Variants in RAF1 observed in about 807,000 individuals in gnomAD.
RAF1 encodes RAF proto-oncogene serine/threonine-protein kinase.
A neutral mutation model predicts 81.1 loss-of-function variants in RAF1; 27 were observed. The ratio of observed to expected loss-of-function variants is 0.33; its 90% confidence interval spans 0.25 to 0.46. RAF1 has a LOEUF of 0.46. Ranked by LOEUF, RAF1 falls within the 20% of genes least tolerant of loss-of-function variation. The pLI, the probability that RAF1 is intolerant of heterozygous loss-of-function variation, is 1.00. For missense variants in RAF1, 598 were observed against 826.0 expected (o/e 0.72, Z 3.38); for synonymous variants, 298 against 294.0 (o/e 1.01, Z -0.14).
chr3:12,654,932 TTAGGAGGCTAAAA>T (rs1161428134), intron 1 of RAF1, among the ~76,000 whole-genome samples: 2 of 150,660 alleles, frequency 1.3e-5, no homozygotes, highest in Admixed American at 6.6e-5. Flanking sequence ...TCCCAGTACT[TTAGGAGGCTAAAA>T]TGGGAGGATC....
chr3:12,657,351 T>C (rs572635504), intron 1 of RAF1, among the ~76,000 whole-genome samples: 1 of 152,348 alleles, frequency 6.6e-6, no homozygotes, highest in South Asian at 2.1e-4. Flanking sequence ...GAAAGGAAGC[T>C]GGGTAGCTAG....
chr3:12,635,448 C>CTGGT (rs1209287248), intron 1 of RAF1, among the ~76,000 whole-genome samples: 13 of 149,234 alleles, frequency 8.7e-5, no homozygotes, highest in African/African-American at 2.7e-4. Flanking sequence ...ACCAGCCTAG[C>CTGGT]CAACATGGTG....
chr3:12,637,673 T>C (rs1049006592), intron 1 of RAF1, among the ~76,000 whole-genome samples: 1 of 151,574 alleles, frequency 6.6e-6, no homozygotes, highest in Admixed American at 6.6e-5. Flanking sequence ...GCCAATGTGG[T>C]GAAACCCTGT....
intron 11 of RAF1, among the ~76,000 whole-genome samples, chr3:12,597,508 C>T (rs908847695): frequency 2.0e-5 from 3 of 152,224 alleles, no homozygotes; most frequent in Non-Finnish European, 4.4e-5. Context: ...ATATCCATTG[C>T]TCTGCCTCCT....
intron 1 of RAF1, among the ~76,000 whole-genome samples, chr3:12,661,951 G>A (rs2060890131): frequency 6.6e-6 from 1 of 151,766 alleles, no homozygotes; most frequent in East Asian, 1.9e-4. Context: ...TTAAGAGGCT[G>A]AAGCTGGAGG....
At chr3:12,618,915 T>G (rs1427407859) in intron 1 of RAF1, among the ~76,000 whole-genome samples, 168 bp from the exon 2 acceptor site, 1 of 152,194 alleles carries the variant, frequency 6.6e-6, no homozygotes, top group Non-Finnish European at 1.5e-5. Flanking sequence ...ATTAAATATT[T>G]CATAGATGAG....
intron 13 of RAF1, chr3:12,587,935 G>C (rs1338108318): frequency 4.1e-6 from 1 of 244,082 alleles, no homozygotes; most frequent in African/African-American, 2.4e-5. Context: ...CAGTAGCCGG[G>C]ACCACAGGCA....
chr3:12,649,615 A>T (rs2060459849), intron 1 of RAF1, among the ~76,000 whole-genome samples: 1 of 142,580 alleles, frequency 7.0e-6, no homozygotes, highest in South Asian at 2.1e-4. Flanking sequence ...ACACACACAC[A>T]CACACAGTTT....
At chr3:12,653,736 C>G (rs2060602857) in intron 1 of RAF1, among the ~76,000 whole-genome samples, 1 of 150,066 alleles carries the variant, frequency 6.7e-6, no homozygotes, top group Non-Finnish European at 1.5e-5. Context: ...AAGACTATGT[C>G]TCAAAAAAAA....
chr3:12,600,238 G>A lies in RAF1; in HGVS notation c.964C>T (p.Pro322Ser). The A allele has an allele frequency of 6.2e-7, 1 of 1,614,168 alleles. No individual in the cohort carries two copies. The highest frequency in any genetic ancestry group is 1.3e-5 in the African/African-American group (1 of 75,040). Reference sequence around the variant, plus strand: ...GTTTTCGGCTGTGACCAGCCTGTTGGGCTCAGATTGTTGGGGCTACTGGAC... The same window carrying A: ...GTTTTCGGCTGTGACCAGCCTGTTGAGCTCAGATTGTTGGGGCTACTGGAC... The change falls in exon 10 of 18, where the codon CCA (proline) becomes TCA (serine). Residue 322 changes from proline to serine, a missense_variant. Coordinates refer to ENST00000442415, the MANE Select transcript of RAF1 (RefSeq NM_001354689.3).
At chr3:12,659,194 G>A (rs572089517) in intron 1 of RAF1, among the ~76,000 whole-genome samples, 111 of 151,938 alleles carry the variant, frequency 7.3e-4, no homozygotes, top group African/African-American at 2.0e-3. Context: ...TTGGGAAGCC[G>A]AGGCAGGTGG....
intron 1 of RAF1, among the ~76,000 whole-genome samples, chr3:12,621,141 T>C (rs749885343): frequency 6.6e-6 from 1 of 152,204 alleles, no homozygotes; most frequent in African/African-American, 2.4e-5. Context: ...TACATTCCAA[T>C]CATTATCCAC....
chr3:12,631,131 A>G (rs5746178), intron 1 of RAF1, among the ~76,000 whole-genome samples: 21 of 152,280 alleles, frequency 1.4e-4, no homozygotes, highest in African/African-American at 4.1e-4. Flanking sequence ...TCTGAGCAAC[A>G]TGGCAAAACT....
intron 6 of RAF1, among the ~76,000 whole-genome samples, chr3:12,605,811 C>T (rs189191209): frequency 2.0e-5 from 3 of 152,274 alleles, no homozygotes; most frequent in East Asian, 1.9e-4. Flanking sequence ...GCAAATGCAT[C>T]GGCCACAACA....
At position 12,590,872 on chromosome 3, in the gene RAF1, G is replaced by T; in HGVS notation, c.1356C>A (p.His452Gln). ...GAAACTTGGTCTCCTGGACATGCAG[G>T]TGTTTGTAGAGGCTGCTGCCCTCGC... Residue 452 changes from histidine to glutamine, a missense_variant, in exon 13 of 18, where the codon CAC (histidine) becomes CAA (glutamine). By Grantham distance (24) the His-to-Gln change is conservative. Coordinates refer to ENST00000442415, the MANE Select transcript of RAF1 (RefSeq NM_001354689.3). 6.2e-7 allele frequency: 1 copy of T among 1,613,682 alleles called. No individual in the cohort carries two copies. Among genetic ancestry groups the T allele is most frequent in the Non-Finnish European group, 8.5e-7 (1 of 1,179,582 alleles).
chr3:12,659,765 T>G (rs932266581), intron 1 of RAF1, among the ~76,000 whole-genome samples: 1 of 152,186 alleles, frequency 6.6e-6, no homozygotes, highest in Non-Finnish European at 1.5e-5. Context: ...CATTATCCAC[T>G]GCCTTTCAAA....
chr3:12,586,546 C>T (rs944296806), intron 14 of RAF1, among the ~76,000 whole-genome samples: 6 of 152,160 alleles, frequency 3.9e-5, no homozygotes, highest in African/African-American at 1.2e-4. Context: ...AAAACCCCAC[C>T]ACTGAAAGGT....
At chr3:12,611,812 A>G in intron 3 of RAF1, 138 bp downstream of exon 3, 1 of 721,210 alleles carries the variant, frequency 1.4e-6, no homozygotes, top group Non-Finnish European at 2.4e-6. Flanking sequence ...TATTTTTCTG[A>G]ATTATCTCTT....
chr3:12,637,831 C>T (rs776137462), intron 1 of RAF1, among the ~76,000 whole-genome samples: 6 of 151,890 alleles, frequency 4.0e-5, no homozygotes, highest in South Asian at 2.1e-4. Flanking sequence ...CCAGCCTGGG[C>T]GATAGAGCAA....
Sources: allele counts gnomAD v4.1 joint callset (sites outside exome capture counted in the v4.1 genomes callset), GRCh38; gene constraint gnomAD v4.1.1; transcripts MANE v1.5; gene names NCBI Gene and HGNC (gene_info 2026-07-23, HGNC 2026-07-21).